Variants in CALN1 observed in about 807,000 individuals in gnomAD.
The protein encoded by CALN1 is calneuron 1.
In CALN1, 17 loss-of-function variants were observed where a neutral mutation model predicts 30.6. That is an observed-to-expected ratio of 0.56 (90% CI 0.38 to 0.83). CALN1 has a LOEUF of 0.83. Among genes scored for constraint, CALN1 ranks in the 40% least tolerant of loss-of-function variants. The pLI is 0.00. For missense variants in CALN1, 291 were observed against 354.9 expected, an observed-to-expected ratio of 0.82 and a Z score of 1.45; for synonymous variants, 156 against 131.4, an observed-to-expected ratio of 1.19 and a Z score of -1.28.
At chr7:71,948,854 C>A (rs1796542956) in intron 5 of CALN1, among the ~76,000 whole-genome samples, 1 of 151,464 alleles carries the variant, frequency 6.6e-6, no homozygotes, top group South Asian at 2.1e-4. Context: ...CCAGCCTGGG[C>A]AACATAGTGA....
the CALN1 span, among the ~76,000 whole-genome samples, chr7:72,475,912 G>A: frequency 1.4e-5 from 2 of 145,086 alleles, no homozygotes; most frequent in Admixed American, 1.4e-4. Context: ...GAGTTCCCCT[G>A]AACATGCTCT....
chr7:72,304,699 G>A (rs1334958383), intron 2 of CALN1, among the ~76,000 whole-genome samples: 1 of 152,012 alleles, frequency 6.6e-6, no homozygotes, highest in African/African-American at 2.4e-5. Flanking sequence ...AAAATCCTAT[G>A]TAGGGCATAA....
chr7:72,302,723 G>A lies in CALN1; in HGVS notation c.120-23913C>T, dbSNP rs527619104. 2.3e-3 allele frequency among the ~76,000 whole-genome samples: 342 copies of A among 151,672 alleles called. 1 individual carries two copies. The highest frequency in any genetic ancestry group is 8.1e-3 in the African/African-American group (334 of 41,364). ...AGCCTGGCCAACATGGTGAAACCCC[G>A]TCTCTACTAAAAATACAAAAAATTA... On this transcript the variant is annotated intron_variant, in intron 2 of 6. Transcript: ENST00000395275.
chr7:72,154,240 A>AC (rs1491492276), intron 3 of CALN1, among the ~76,000 whole-genome samples: 2 of 151,676 alleles, frequency 1.3e-5, no homozygotes, highest in Non-Finnish European at 2.9e-5. Context: ...AAAAAAAAAA[A>AC]ATAGGGGCAT....
intron 3 of CALN1, among the ~76,000 whole-genome samples, chr7:72,195,581 G>A (rs912242438): frequency 5.3e-5 from 8 of 152,066 alleles, no homozygotes; most frequent in Non-Finnish European, 2.9e-5. Flanking sequence ...GTCTCACTAT[G>A]TTGTCCAGGC....
chr7:71,959,543 A>T (rs997072315), intron 5 of CALN1, among the ~76,000 whole-genome samples: 1 of 152,102 alleles, frequency 6.6e-6, no homozygotes, highest in Non-Finnish European at 1.5e-5. Flanking sequence ...GATGAGTTTT[A>T]ACATGATATA....
chr7:72,403,253 G>A lies in CALN1; in HGVS notation c.117C>T (p.Thr39=), dbSNP rs958645458. Reference sequence around the variant, plus strand: ...GGGTTTGGGGGAAGAAGACTTGCCAGGTGGGGAAGTCGGGGGCCTGGCTCC... The same window carrying A: ...GGGTTTGGGGGAAGAAGACTTGCCAAGTGGGGAAGTCGGGGGCCTGGCTCC... ...PPRSQAPDFP[T]WEKMPFHHVT... is the part of the protein sequence containing the mutation. Residue 39 remains threonine (T), a splice_region_variant and synonymous_variant, in exon 2 of 7, where the codon ACC becomes ACT. Coordinates refer to ENST00000395275, the MANE Select transcript of CALN1 (RefSeq NM_031468.4). 5 of 1,548,572 alleles carry A rather than the reference G, an allele frequency of 3.2e-6. No homozygotes were observed. In the Admixed American group the frequency reaches 7.8e-5, roughly 24 times the overall value.
At chr7:72,010,757 G>C (rs1315479200) in intron 5 of CALN1, among the ~76,000 whole-genome samples, 1 of 150,566 alleles carries the variant, frequency 6.6e-6, no homozygotes, top group Non-Finnish European at 1.5e-5. Context: ...AGATTGCAGT[G>C]AGCCAAGATC....
chr7:72,322,968 C>T (rs577273020), intron 2 of CALN1, among the ~76,000 whole-genome samples: 2 of 149,318 alleles, frequency 1.3e-5, no homozygotes, highest in African/African-American at 2.5e-5. Context: ...AAATAAATAT[C>T]CTGGGTGGAG....
chr7:72,451,846 A>C (rs113662385), upstream of CALN1, among the ~76,000 whole-genome samples: 16 of 19,566 alleles, frequency 8.2e-4, no homozygotes, highest in African/African-American at 1.3e-3. Context: ...GTGGTGAATT[A>C]AAAAAAAAAA....
intron 3 of CALN1, among the ~76,000 whole-genome samples, chr7:72,255,877 C>T (rs186454674): frequency 1.1e-4 from 16 of 152,134 alleles, no homozygotes; most frequent in Non-Finnish European, 2.1e-4. Context: ...ATTACAGATG[C>T]GCACCAGCAC....
intron 3 of CALN1, among the ~76,000 whole-genome samples, chr7:72,114,945 G>C (rs1189665519): frequency 2.0e-5 from 3 of 152,062 alleles, no homozygotes; most frequent in Admixed American, 1.3e-4. Flanking sequence ...AGTGAGCCAA[G>C]ATCATATCAT....
the CALN1 span, among the ~76,000 whole-genome samples, chr7:72,493,188 T>C: frequency 6.6e-6 from 1 of 152,238 alleles, no homozygotes; most frequent in Non-Finnish European, 1.5e-5. Context: ...CCACCATCTC[T>C]AGGCAGCCAC....
chr7:71,807,419 C>T (rs1234583606), intron 6 of CALN1, among the ~76,000 whole-genome samples: 1 of 152,098 alleles, frequency 6.6e-6, no homozygotes, highest in Admixed American at 6.6e-5. Flanking sequence ...ATATATTCAC[C>T]CATCACTTTG....
intron 2 of CALN1, among the ~76,000 whole-genome samples, chr7:72,377,877 G>C (rs1439992299): frequency 6.6e-6 from 1 of 152,130 alleles, no homozygotes; most frequent in Non-Finnish European, 1.5e-5. Flanking sequence ...GGCCTCCTCA[G>C]GTCCTTCCTG....
chr7:71,870,286 G>A (rs981387637), intron 5 of CALN1, among the ~76,000 whole-genome samples: 2 of 152,058 alleles, frequency 1.3e-5, no homozygotes, highest in Non-Finnish European at 1.5e-5. Context: ...GGGAGGCTGA[G>A]GCAGGAGAAT....
chr7:72,030,818 C>T (rs1041586621), intron 4 of CALN1, among the ~76,000 whole-genome samples: 1 of 151,924 alleles, frequency 6.6e-6, no homozygotes, highest in Non-Finnish European at 1.5e-5. Context: ...GCCATCATAG[C>T]TCACTGCAGC....
intron 3 of CALN1, among the ~76,000 whole-genome samples, chr7:72,268,507 T>C (rs950108103): frequency 6.6e-6 from 1 of 152,140 alleles, no homozygotes; most frequent in Non-Finnish European, 1.5e-5. Context: ...CAAAATAAAA[T>C]TAAATTAATT....
intron 3 of CALN1, among the ~76,000 whole-genome samples, chr7:72,151,948 G>A (rs553268837): frequency 1.3e-4 from 18 of 139,390 alleles, no homozygotes; most frequent in South Asian, 6.8e-4. Context: ...TCGCTCTGTC[G>A]CCCAGGCTGG....
Sources: allele counts gnomAD v4.1 joint callset (sites outside exome capture counted in the v4.1 genomes callset), GRCh38; gene constraint gnomAD v4.1.1; transcripts MANE v1.5; gene names NCBI Gene and HGNC (gene_info 2026-07-23, HGNC 2026-07-21).